The following CARD14 variants were observed in gnomAD, a reference collection of about 807,000 sequenced individuals.
CARD14 encodes the protein caspase recruitment domain family member 14.
In CARD14, 107 loss-of-function variants were observed where a neutral mutation model predicts 111.5. The ratio of observed to expected loss-of-function variants is 0.96; its 90% CI spans 0.82 to 1.13. CARD14 has a LOEUF of 1.13. Among genes scored for constraint, CARD14 ranks in the 50% most tolerant of loss-of-function variants. The pLI, the probability that CARD14 is intolerant of heterozygous loss-of-function variation, is 0.00. For missense variants in CARD14, 1,322 were observed against 1,362.3 expected (o/e 0.97, Z 0.47); for synonymous variants, 617 against 579.6 (o/e 1.06, Z -0.93).
intron 7 of CARD14, among the ~76,000 whole-genome samples, chr17:80,187,489 G>A (rs1034133006): frequency 2.6e-5 from 4 of 152,292 alleles, no homozygotes; most frequent in African/African-American, 7.2e-5. Flanking sequence ...CATGTTTTCC[G>A]GTTCCCTTCC....
At chr17:80,186,650 G>A (rs531392770) in intron 7 of CARD14, among the ~76,000 whole-genome samples, 1 of 152,274 alleles carries the variant, frequency 6.6e-6, no homozygotes, top group East Asian at 1.9e-4. Context: ...CCGGGTTCAA[G>A]CAATTCTCCT....
chr17:80,189,899 TGA>T lies in CARD14; in HGVS notation c.963+28_963+29del. 6.3e-7 allele frequency: 1 copy of T among 1,588,090 alleles called. No homozygotes were observed. Among genetic ancestry groups the T allele is most frequent in the South Asian group, 1.1e-5 (1 of 88,190 alleles). On this transcript the variant is annotated intron_variant, in intron 9 of 23. Transcript: ENST00000648509. This position sits in a 1 kb window ranked among gnomAD's most constrained non-coding sequence, Gnocchi z 4.7. ...TGCCGTGTGAGCCCTTCCTCCCTTG[TGA>T]CTCTCCTGGGGCTTGTCTCAGGGGT...
At chr17:80,200,127 A>G (rs1231606868) in intron 16 of CARD14, among the ~76,000 whole-genome samples, 1 of 151,710 alleles carries the variant, frequency 6.6e-6, no homozygotes, top group Non-Finnish European at 1.5e-5. Flanking sequence ...AGGCTGTCCA[A>G]ATGCTGAGCT....
chr17:80,208,390 G>A lies in CARD14; in HGVS notation c.*45G>A, dbSNP rs1320519724. On this transcript the variant is annotated 3_prime_UTR_variant, in exon 24 of 24. Coordinates refer to ENST00000648509, the MANE Select transcript of CARD14 (RefSeq NM_001366385.1). Reference sequence around the variant, plus strand: ...GGACTGTGGGGGCTTCTGTGTGCCTGTTAATGCAGTCCTGTTCCTCAGCCC... The same window carrying A: ...GGACTGTGGGGGCTTCTGTGTGCCTATTAATGCAGTCCTGTTCCTCAGCCC... 2.0e-6 allele frequency: 3 copies of A among 1,487,722 alleles called. No homozygotes were observed. The highest frequency in any genetic ancestry group is 2.0e-5 in the Admixed American group (1 of 50,062). 92.2% of individuals were successfully genotyped at this position (1,487,722 alleles called of 1,614,324 possible). A position where few individuals can be genotyped will look rare whatever the true frequency, so the allele number is the denominator to read the frequency against.
chr17:80,180,640 G>C (rs1276768168), intron 4 of CARD14, among the ~76,000 whole-genome samples: 1 of 151,318 alleles, frequency 6.6e-6, no homozygotes, highest in Non-Finnish European at 1.5e-5. Flanking sequence ...GCAGTGGCAC[G>C]ATCTCGGCTC....
At chr17:80,205,451 G>A (rs2041245293) in intron 21 of CARD14, 80 bp from the exon 22 acceptor site, 2 of 1,533,928 alleles carry the variant, frequency 1.3e-6, no homozygotes, top group Non-Finnish European at 8.8e-7. Context: ...GGGTTCACGG[G>A]GACAGGGGTG....
chr17:80,183,651 G>A (rs1053734128), intron 6 of CARD14, among the ~76,000 whole-genome samples: 1 of 152,310 alleles, frequency 6.6e-6, no homozygotes, highest in African/African-American at 2.4e-5. Flanking sequence ...CTGGGGGCCT[G>A]CTGGGGAGTC....
chr17:80,204,648 G>T, intron 20 of CARD14: 1 of 370,706 alleles, frequency 2.7e-6, no homozygotes, highest in Non-Finnish European at 4.9e-6. Context: ...AATTTCAGGA[G>T]AGGAGTACAG....
chr17:80,184,151 C>T lies in CARD14; in HGVS notation c.588C>T (p.Asp196=), dbSNP rs548686087. Reference sequence around the variant, plus strand: ...TCCATGAGGTGCTGAGGCTGAAGGACGAGATGCTCAGCCTCTCGCTGCACT... The same window carrying T: ...TCCATGAGGTGCTGAGGCTGAAGGATGAGATGCTCAGCCTCTCGCTGCACT... ...AHFHEVLRLK[D]EMLSLSLHYS... The change falls in exon 7 of 24, where the codon GAC becomes GAT. Residue 196 remains aspartate (D), a synonymous_variant. Coordinates refer to ENST00000648509, the MANE Select transcript of CARD14 (RefSeq NM_001366385.1). 38 of 1,566,342 alleles carry T rather than the reference C, an allele frequency of 2.4e-5. No homozygotes were observed. Among genetic ancestry groups the T allele is most frequent in the Admixed American group, 9.5e-5 (5 of 52,536 alleles).
At position 80,179,199 on chromosome 17, in the gene CARD14, G is replaced by A. The variant is rs1334135988; in HGVS notation, c.-123G>A. ...TCACAGGAATTCATGGGTCTGTAAG[G>A]AATCGCTCCCATCTGTGCCCAGGAG... On this transcript the variant is annotated 5_prime_UTR_variant, in exon 4 of 24. Transcript: ENST00000648509. 6.6e-6 allele frequency: 1 copy of A among 152,246 alleles called. No individual in the cohort carries two copies. The highest frequency in any genetic ancestry group is 1.5e-5 in the Non-Finnish European group (1 of 68,066). The allele number at this position is 152,246 out of a possible 1,614,324, so 9.4% of individuals were successfully genotyped here. A position where few individuals can be genotyped will look rare whatever the true frequency, so the allele number is the denominator to read the frequency against.
Position 80,198,749 on chromosome 17 carries a change from A to C in CARD14, c.1851+158A>C, listed in dbSNP as rs751959123. ...TGGGCTGACGTAAAGCGTTCTGCTC[A>C]TTTATAGATGAGAGTCGTGCCGTGC... On this transcript the variant is annotated intron_variant, in intron 16 of 23. Transcript: ENST00000648509. The surrounding 1 kb of genome is among the most constrained non-coding windows in gnomAD (Gnocchi z 7.5). 45 of 1,534,284 alleles carry C rather than the reference A, an allele frequency of 2.9e-5. No individual in the cohort carries two copies. The highest frequency in any genetic ancestry group is 3.9e-5 in the Non-Finnish European group (45 of 1,143,604).
At position 80,208,239 on chromosome 17, in the gene CARD14, T is replaced by A; in HGVS notation, c.2909T>A (p.Leu970Gln). ...CGGGCGCCCTGTCTATACAGCAGCC[T>A]GGCTCCTGACGGCTGGAGCGACCTG... ...LDRAPCLYSS[L>Q]APDGWSDLDG... The change falls in exon 24 of 24, where the codon CTG (leucine) becomes CAG (glutamine). Residue 970 changes from leucine to glutamine, a missense_variant. By Grantham distance (113) the Leu-to-Gln change is moderately radical. Transcript: ENST00000648509. 1 of 1,576,212 alleles carries A rather than the reference T, an allele frequency of 6.3e-7. No homozygotes were observed.
chr17:80,205,353 A>G, intron 21 of CARD14, 148 bp downstream of exon 21: 1 of 1,155,098 alleles, frequency 8.7e-7, no homozygotes, highest in Non-Finnish European at 1.2e-6. Flanking sequence ...CAGATAGTTC[A>G]GGATGGAGGT....
rs189845028 is a variant in CARD14 at position 80,182,583 on chromosome 17, G to T, written c.212-70G>T. 1.3e-5 allele frequency: 20 copies of T among 1,583,900 alleles called. No homozygotes were observed. The highest frequency in any genetic ancestry group is 1.6e-5 in the Non-Finnish European group (19 of 1,162,282). ...CAGCCCCAGGCCTCTCCCCCGTGGG[G>T]AAGCCAGCCAGGGAGCCCAGCCCCC... is the stretch of plus-strand genomic sequence containing the variant. On this transcript the variant is annotated intron_variant, in intron 5 of 23. Coordinates refer to ENST00000648509, the MANE Select transcript of CARD14 (RefSeq NM_001366385.1). The surrounding 1 kb of genome is among the most constrained non-coding windows in gnomAD (Gnocchi z 4.7).
chr17:80,204,936 G>A (rs916096174), intron 20 of CARD14, 99 bp from the exon 21 acceptor site: 45 of 1,005,214 alleles, frequency 4.5e-5, no homozygotes, highest in Non-Finnish European at 5.4e-5. Context: ...TGCTGGGGCT[G>A]CTGCAGTGAG....
rs544523187 is a variant in CARD14, at chr17:80,197,955, TGAGGTTACAG to T, written c.1595-131_1595-122del. On this transcript the variant is annotated intron_variant, in intron 14 of 23. Transcript: ENST00000648509. ...GGCCTGAGGCTGAGGGAGAAGGGGCTGAGGTTACAGGAGGTTACAGGACGCCCCATCAGCA... is the reference window on the plus strand; with the variant it reads ...GGCCTGAGGCTGAGGGAGAAGGGGCTGAGGTTACAGGACGCCCCATCAGCA... 254 of 742,774 alleles carry T rather than the reference TGAGGTTACAG, an allele frequency of 3.4e-4. 2 individuals are homozygous for T. Among genetic ancestry groups the T allele is most frequent in the South Asian group, 2.4e-3 (156 of 64,344 alleles). 46.0% of individuals were successfully genotyped at this position (742,774 alleles called of 1,614,324 possible).
intron 2 of CARD14, among the ~76,000 whole-genome samples, chr17:80,175,802 C>T (rs928902240): frequency 8.6e-5 from 13 of 151,846 alleles, no homozygotes; most frequent in Non-Finnish European, 1.3e-4. Context: ...CGGTGTCCCA[C>T]GCACTGTGGA....
At chr17:80,193,910 C>A (rs764302818) in intron 12 of CARD14, among the ~76,000 whole-genome samples, 5 of 152,154 alleles carry the variant, frequency 3.3e-5, no homozygotes, top group Non-Finnish European at 5.9e-5. Context: ...TTCCCTTCCC[C>A]AGGGGTGGAT....
At position 80,184,507 on chromosome 17, in the gene CARD14, C is replaced by T. The variant is rs147925116; in HGVS notation, c.675+269C>T. 2.0e-5 allele frequency among the ~76,000 whole-genome samples: 3 copies of T among 152,370 alleles called. No homozygotes were observed. In the East Asian group the frequency reaches 5.8e-4, roughly 29 times the overall value. On this transcript the variant is annotated intron_variant, in intron 7 of 23. Coordinates refer to ENST00000648509, the MANE Select transcript of CARD14 (RefSeq NM_001366385.1). ...CTGGCTGGCTTGTCTGTGAACTGCCCATCCTGCTGACGCCTGGGCAGGTCT... is the reference window on the plus strand; with the variant it reads ...CTGGCTGGCTTGTCTGTGAACTGCCTATCCTGCTGACGCCTGGGCAGGTCT...
Sources: gnomAD v4.1 joint callset for allele counts (sites outside exome capture counted in the v4.1 genomes callset) on GRCh38, gnomAD v4.1.1 for gene constraint, Gnocchi (gnomAD v3.1) non-coding constraint, MANE v1.5 for transcripts, NCBI Gene and HGNC (gene_info 2026-07-23, HGNC 2026-07-21) for gene names.